Variants in ARMC2 observed in about 807,000 individuals in gnomAD.
ARMC2 encodes armadillo repeat containing 2, also known as armadillo repeat-containing protein 2.
A neutral mutation model predicts 90.3 loss-of-function variants in ARMC2; 67 were observed. That is an observed-to-expected ratio of 0.74 (90% CI 0.61 to 0.91). ARMC2 has a LOEUF of 0.91. Among genes scored for constraint, ARMC2 ranks in the 40% least tolerant of loss-of-function variants. The pLI is 0.00. For missense variants in ARMC2, 920 were observed against 1,030.9 expected (o/e 0.89, Z 1.47); for synonymous variants, 393 against 393.0 (o/e 1.00, Z 0.00).
chr6:108,983,028 A>G, the ARMC2 span, among the ~76,000 whole-genome samples: 20 of 152,064 alleles, frequency 1.3e-4, no homozygotes, highest in African/African-American at 4.8e-4. Flanking sequence ...TATGTTGGCC[A>G]GGATGGTCTC....
intron 17 of ARMC2, among the ~76,000 whole-genome samples, chr6:108,970,182 C>A (rs1220189616): frequency 6.6e-6 from 1 of 152,182 alleles, no homozygotes; most frequent in African/African-American, 2.4e-5. Context: ...CTTTAGACCT[C>A]ATTTCTCTTA....
At chr6:108,949,279 C>T (rs755098556) in intron 12 of ARMC2, among the ~76,000 whole-genome samples, 5 of 151,930 alleles carry the variant, frequency 3.3e-5, no homozygotes, top group South Asian at 4.2e-4. Context: ...AGGGAGATGG[C>T]GGTTTAGATT....
the ARMC2 span, among the ~76,000 whole-genome samples, chr6:109,035,886 A>C: frequency 6.6e-6 from 1 of 152,148 alleles, no homozygotes; most frequent in Non-Finnish European, 1.5e-5. Context: ...GGGATTACAG[A>C]CGTGACCACT....
At chr6:108,930,395 T>G (rs1178590324) in intron 11 of ARMC2, among the ~76,000 whole-genome samples, 1 of 152,084 alleles carries the variant, frequency 6.6e-6, no homozygotes, top group Non-Finnish European at 1.5e-5. Flanking sequence ...TCTTCTTTAT[T>G]GCATTGTTTA....
the ARMC2 span, chr6:108,993,142 A>C: frequency 2.5e-6 from 1 of 393,252 alleles, no homozygotes; most frequent in Non-Finnish European, 4.5e-6. Context: ...TGCCTCTTTC[A>C]TAGATCCTTT....
intron 10 of ARMC2, among the ~76,000 whole-genome samples, chr6:108,915,471 A>G (rs765740477): frequency 6.6e-6 from 1 of 152,050 alleles, no homozygotes; most frequent in East Asian, 1.9e-4. Context: ...GGGACCTCAT[A>G]TTACAGAACT....
At chr6:108,905,487 A>G (rs1772588863) in intron 8 of ARMC2, among the ~76,000 whole-genome samples, 1 of 151,868 alleles carries the variant, frequency 6.6e-6, no homozygotes, top group African/African-American at 2.4e-5. Context: ...TTTAATCTGA[A>G]TCCTAGACAT....
intron 3 of ARMC2, among the ~76,000 whole-genome samples, chr6:108,860,869 G>A (rs1775166089): frequency 6.6e-6 from 1 of 152,222 alleles, no homozygotes; most frequent in South Asian, 2.1e-4. Context: ...GGATGTTAAA[G>A]TCTGGTTGCT....
At chr6:109,005,643 T>G in the ARMC2 span, among the ~76,000 whole-genome samples, 1 of 152,326 alleles carries the variant, frequency 6.6e-6, no homozygotes, top group East Asian at 1.9e-4. Context: ...TTCTATGTAA[T>G]TCTTGTCTTT....
chr6:109,047,346 G>C, the ARMC2 span, among the ~76,000 whole-genome samples: 2 of 132,966 alleles, frequency 1.5e-5, no homozygotes, highest in Non-Finnish European at 3.4e-5. Flanking sequence ...AGGGAGGTGG[G>C]GGGGTCAGCC....
chr6:108,982,414 C>T, the ARMC2 span, among the ~76,000 whole-genome samples: 2 of 152,216 alleles, frequency 1.3e-5, no homozygotes, highest in Admixed American at 6.5e-5. Context: ...GCTCCACCCT[C>T]AAGACCTAAT....
At chr6:108,878,401 G>A (rs1362127963) in intron 5 of ARMC2, among the ~76,000 whole-genome samples, 1 of 152,180 alleles carries the variant, frequency 6.6e-6, no homozygotes, top group Middle Eastern at 3.2e-3. Context: ...GAGTGGGTGA[G>A]GCCACACTCC....
At chr6:108,953,468 A>C in intron 13 of ARMC2, 117 bp downstream of exon 13, 1 of 1,056,298 alleles carries the variant, frequency 9.5e-7, no homozygotes, top group Non-Finnish European at 1.3e-6. Flanking sequence ...TCCCTATGAG[A>C]AAGTCTTAGC....
intron 8 of ARMC2, among the ~76,000 whole-genome samples, chr6:108,906,475 AT>A (rs201890246): frequency 0.053 from 7,730 of 145,912 alleles, 294 homozygotes; most frequent in East Asian, 0.21. Context: ...TTGTGCCAAC[AT>A]TTTTTTTTTT....
In ARMC2 at chr6:108,912,540, G is replaced by A. The variant is rs749011875; in HGVS notation, c.1332G>A (p.Ser444=). Residue 444 remains serine (S), a synonymous_variant, in exon 10 of 18, where the codon TCG becomes TCA. Transcript: ENST00000392644. ...AATGTGGTACATTTTTGCCTAATTCGGGCCACTTGCTAGTCCAGGTAAGTA... is the reference window on the plus strand; with the variant it reads ...AATGTGGTACATTTTTGCCTAATTCAGGCCACTTGCTAGTCCAGGTAAGTA... The part of the protein sequence containing the change: ...IKKCGTFLPN[S]GHLLVQVTAT... 7.4e-6 allele frequency: 12 copies of A among 1,613,030 alleles called. No individual in the cohort carries two copies. The highest frequency in any genetic ancestry group is 2.2e-5 in the East Asian group (1 of 44,884).
At chr6:109,017,106 G>A in the ARMC2 span, among the ~76,000 whole-genome samples, 1 of 152,060 alleles carries the variant, frequency 6.6e-6, no homozygotes, top group Non-Finnish European at 1.5e-5. Flanking sequence ...GGTGAATTTC[G>A]TCTATAATTC....
At chr6:109,012,105 C>T in the ARMC2 span, among the ~76,000 whole-genome samples, 23 of 152,334 alleles carry the variant, frequency 1.5e-4, no homozygotes, top group Non-Finnish European at 2.1e-4. Context: ...ATGCGATAAA[C>T]ATCTGCTGAA....
chr6:108,888,133 C>T (rs551472385), intron 5 of ARMC2, among the ~76,000 whole-genome samples: 10 of 152,152 alleles, frequency 6.6e-5, no homozygotes, highest in Non-Finnish European at 1.0e-4. Context: ...TCCAGACAAG[C>T]GAACACTCAC....
intron 12 of ARMC2, among the ~76,000 whole-genome samples, chr6:108,950,003 T>G (rs964001187): frequency 6.6e-6 from 1 of 152,098 alleles, no homozygotes; most frequent in Admixed American, 6.5e-5. Context: ...GTCAGGAGTT[T>G]GAGGCCAGCC....
Sources: allele counts gnomAD v4.1 joint callset (sites outside exome capture counted in the v4.1 genomes callset), GRCh38; gene constraint gnomAD v4.1.1; transcripts MANE v1.5; gene names NCBI Gene and HGNC (gene_info 2026-07-23, HGNC 2026-07-21).